PRKG1: variants seen among roughly 807,000 people sequenced by gnomAD.
The protein encoded by PRKG1 is protein kinase cGMP-dependent 1.
Under a neutral mutation model 88.1 loss-of-function variants are expected in PRKG1, and 35 were observed. The ratio of observed to expected loss-of-function variants is 0.40; its 90% CI spans 0.30 to 0.53. The LOEUF (loss-of-function observed/expected upper bound fraction) is 0.53, where lower values mean the gene tolerates loss of function less well. PRKG1 is among the 20% of genes least tolerant of loss of function. The probability of loss-of-function intolerance (pLI) is 0.59; values close to 1 mark genes in which losing one functional copy is unlikely to be tolerated. For missense variants in PRKG1, 540 were observed against 839.8 expected (o/e 0.64, Z 4.41); for synonymous variants, 303 against 292.5 (o/e 1.04, Z -0.37).
intron 2 of PRKG1, among the ~76,000 whole-genome samples, chr10:51,392,627 G>C (rs947214618): frequency 6.6e-6 from 1 of 151,192 alleles, no homozygotes; most frequent in African/African-American, 2.4e-5. Context: ...ATCATGGCGC[G>C]TTCTCAATGA....
chr10:52,149,404 T>C (rs4310560), intron 8 of PRKG1, among the ~76,000 whole-genome samples: 91,336 of 151,888 alleles, frequency 0.6, 30,791 homozygotes, highest in Non-Finnish European at 0.76. Context: ...GACTGAATTA[T>C]GTCCACCCCA....
chr10:51,323,223 A>C (rs1467844423), intron 2 of PRKG1, among the ~76,000 whole-genome samples: 1 of 152,240 alleles, frequency 6.6e-6, no homozygotes, highest in Non-Finnish European at 1.5e-5. Context: ...ATATTTATGC[A>C]TAGCACAGTA....
chr10:52,241,444 G>A (rs1390776406), intron 9 of PRKG1, among the ~76,000 whole-genome samples: 1 of 152,170 alleles, frequency 6.6e-6, no homozygotes, highest in African/African-American at 2.4e-5. Flanking sequence ...TCTTGCACAA[G>A]TTGGCCTGGG....
chr10:51,256,594 A>G (rs1207146192), intron 2 of PRKG1, among the ~76,000 whole-genome samples: 1 of 152,204 alleles, frequency 6.6e-6, no homozygotes, highest in African/African-American at 2.4e-5. Flanking sequence ...TGATGTTTGG[A>G]GACTACTTCA....
intron 5 of PRKG1, among the ~76,000 whole-genome samples, chr10:52,035,465 A>G (rs993555277): frequency 6.6e-6 from 1 of 152,144 alleles, no homozygotes; most frequent in East Asian, 1.9e-4. Context: ...CTATAGCATA[A>G]CCTGCCTTTG....
At chr10:51,819,234 AG>A (rs1198366638) in intron 4 of PRKG1, among the ~76,000 whole-genome samples, 2 of 151,816 alleles carry the variant, frequency 1.3e-5, no homozygotes, top group African/African-American at 4.8e-5. Flanking sequence ...CAAGAAAGAG[AG>A]GGGAGGTGTC....
chr10:51,050,882 T>A (rs1219819709), intron 1 of PRKG1, among the ~76,000 whole-genome samples: 1 of 152,180 alleles, frequency 6.6e-6, no homozygotes, highest in Non-Finnish European at 1.5e-5. Context: ...GTGGTTTTGA[T>A]TTGGATTTCC....
At chr10:51,922,102 CT>C (rs775248076) in intron 5 of PRKG1, among the ~76,000 whole-genome samples, 2 of 151,776 alleles carry the variant, frequency 1.3e-5, no homozygotes, top group Non-Finnish European at 2.9e-5. Flanking sequence ...TAAAGGACTA[CT>C]TAGATTATAT....
intron 3 of PRKG1, among the ~76,000 whole-genome samples, chr10:51,725,029 TG>T (rs1395359293): frequency 6.6e-6 from 1 of 152,100 alleles, no homozygotes; most frequent in African/African-American, 2.4e-5. Context: ...TTTTAATGAC[TG>T]GAAAAAATCA....
At chr10:52,241,324 C>G (rs996712436) in intron 9 of PRKG1, among the ~76,000 whole-genome samples, 1 of 152,146 alleles carries the variant, frequency 6.6e-6, no homozygotes, top group African/African-American at 2.4e-5. Context: ...CCAGGACTCT[C>G]TGCAAAGTTT....
At chr10:52,140,883 T>C (rs1837561346) in intron 8 of PRKG1, among the ~76,000 whole-genome samples, 1 of 152,168 alleles carries the variant, frequency 6.6e-6, no homozygotes, top group Admixed American at 6.6e-5. Context: ...GTCCACATGA[T>C]AGGACTGTAT....
At chr10:51,322,783 A>G (rs1841489221) in intron 2 of PRKG1, among the ~76,000 whole-genome samples, 1 of 152,228 alleles carries the variant, frequency 6.6e-6, no homozygotes, top group Admixed American at 6.5e-5. Context: ...TGTCAACCAC[A>G]TTAAATGTAA....
chr10:51,974,671 C>T (rs1022829078), intron 5 of PRKG1, among the ~76,000 whole-genome samples: 5 of 152,100 alleles, frequency 3.3e-5, no homozygotes, highest in Non-Finnish European at 7.4e-5. Flanking sequence ...TAATCCTAAC[C>T]ATATTTTAAT....
chr10:52,161,977 T>G lies in PRKG1; in HGVS notation c.1076+14T>G. On this transcript the variant is annotated intron_variant, in intron 9 of 17. Transcript: ENST00000373980. ...AGCTAAAGCAAAGTAAGTGACTTTT[T>G]TCCTTAATTTTGATTGCAAAATGAT... 3.1e-6 allele frequency: 5 copies of G among 1,600,752 alleles called. No individual in the cohort carries two copies. Among genetic ancestry groups the G allele is most frequent in the Non-Finnish European group, 2.6e-6 (3 of 1,173,266 alleles).
intron 5 of PRKG1, among the ~76,000 whole-genome samples, chr10:52,019,923 G>C (rs1845139397): frequency 6.6e-6 from 1 of 152,112 alleles, no homozygotes; most frequent in African/African-American, 2.4e-5. Flanking sequence ...TATTTCAGAG[G>C]ATCTGGAGTT....
At chr10:51,466,538 G>A (rs573520366) in intron 2 of PRKG1, among the ~76,000 whole-genome samples, 10 of 151,896 alleles carry the variant, frequency 6.6e-5, no homozygotes, top group Non-Finnish European at 7.4e-5. Flanking sequence ...GGTGAATCAC[G>A]TACCACTAGT....
rs547712968 is a variant in PRKG1 at position 52,294,749 on chromosome 10, T to C, written c.*849T>C. ...ATGACTAGCAGCCAATTGGTTTTAC[T>C]TAACATACCCTCAAACTGAGGCTTA... On this transcript the variant is annotated 3_prime_UTR_variant, in exon 18 of 18. Transcript: ENST00000373980. 1 of 152,700 alleles carries C rather than the reference T, an allele frequency of 6.5e-6. No homozygotes were observed. Among genetic ancestry groups the C allele is most frequent in the African/African-American group, 2.4e-5 (1 of 41,576 alleles). 9.5% of individuals were successfully genotyped at this position (152,700 alleles called of 1,614,324 possible). A position where few individuals can be genotyped will look rare whatever the true frequency, so the allele number is the denominator to read the frequency against.
intron 4 of PRKG1, among the ~76,000 whole-genome samples, chr10:51,839,739 A>C (rs1047446479): frequency 2.0e-5 from 3 of 152,142 alleles, no homozygotes; most frequent in African/African-American, 7.2e-5. Flanking sequence ...CTTCCTATGG[A>C]GGTCGTTCTT....
At position 51,776,969 on chromosome 10, in the gene PRKG1, TTTAACAG is replaced by T. The variant is rs1289121279; in HGVS notation, c.593-27615_593-27609del. Among the ~76,000 whole-genome samples the T allele has an allele frequency of 4.6e-5, 7 of 152,308 alleles. No homozygotes were observed. In the East Asian group the frequency reaches 1.4e-3, roughly 29 times the overall value. ...CTTATAGAAGCTCTCTGCTTGATAA[TTTAACAG>T]AAAGATTGTAATCGTTTTAAAAACA... On this transcript the variant is annotated intron_variant, in intron 3 of 17. Coordinates refer to ENST00000373980, the MANE Select transcript of PRKG1 (RefSeq NM_006258.4).
Sources: gnomAD v4.1 joint callset for allele counts (sites outside exome capture counted in the v4.1 genomes callset) on GRCh38, gnomAD v4.1.1 for gene constraint, MANE v1.5 for transcripts, NCBI Gene and HGNC (gene_info 2026-07-23, HGNC 2026-07-21) for gene names.